Variants in MAST3 observed in about 807,000 individuals in gnomAD.
The protein encoded by MAST3 is microtubule-associated serine/threonine-protein kinase 3.
Under a neutral mutation model 127.0 loss-of-function variants are expected in MAST3, and 43 were observed. That is an observed-to-expected ratio of 0.34 (90% CI 0.27 to 0.44). MAST3 has a LOEUF of 0.44. Ranked by LOEUF, MAST3 falls within the 20% of genes least tolerant of loss-of-function variation. MAST3 has a pLI of 1.00. For missense variants in MAST3, 1,390 were observed against 1,919.1 expected, an observed-to-expected ratio of 0.72 and a Z score of 5.15; for synonymous variants, 785 against 809.2, an observed-to-expected ratio of 0.97 and a Z score of 0.51.
At chr19:18,121,610 G>A (rs2039986980) in intron 3 of MAST3, 75 bp from the exon 4 acceptor site, 2 of 1,256,836 alleles carry the variant, frequency 1.6e-6, no homozygotes, top group South Asian at 2.5e-5. Context: ...GGCTGCGAGT[G>A]TGATTTAGGC....
intron 18 of MAST3, among the ~76,000 whole-genome samples, chr19:18,136,060 G>T (rs1230629265): frequency 6.6e-6 from 1 of 152,206 alleles, no homozygotes; most frequent in Non-Finnish European, 1.5e-5. Context: ...TGCCCATATG[G>T]AGCACTGAGC....
At chr19:18,111,530 C>CCTTT (rs1214980774) in intron 3 of MAST3, among the ~76,000 whole-genome samples, 2 of 103,256 alleles carry the variant, frequency 1.9e-5, no homozygotes, top group East Asian at 4.9e-4. Context: ...TTTCCACAGA[C>CCTTT]TTTTTTTTTT....
rs1022205561 is a variant in MAST3 at position 18,143,488 on chromosome 19, C to A, written c.2340-275C>A. 2.6e-5 allele frequency among the ~76,000 whole-genome samples: 4 copies of A among 152,148 alleles called. No individual in the cohort carries two copies. The South Asian group carries it at 6.2e-4, about 24-fold the overall frequency. On this transcript the variant is annotated intron_variant, in intron 21 of 27. Coordinates refer to ENST00000687212, the MANE Select transcript of MAST3 (RefSeq NM_001393504.1). The stretch of plus-strand genomic sequence containing the variant: ...CTACTTGGGAGGCTGAGGCAGGAGA[C>A]TCACTTGAGCCCTGGAGGCAGTGGT...
intron 3 of MAST3, among the ~76,000 whole-genome samples, chr19:18,121,144 C>T (rs376584523): frequency 7.0e-4 from 106 of 152,242 alleles, no homozygotes; most frequent in African/African-American, 2.4e-3. Context: ...GGATGAGCCA[C>T]TGTGCCCAGC....
At chr19:18,133,115 G>A (rs2041502762) in intron 15 of MAST3, among the ~76,000 whole-genome samples, 4 of 149,250 alleles carry the variant, frequency 2.7e-5, no homozygotes, top group South Asian at 4.2e-4. Flanking sequence ...AAAAAAAAGC[G>A]CCTCGCATGT....
chr19:18,131,658 C>CTG (rs1396239614), intron 14 of MAST3, among the ~76,000 whole-genome samples: 1 of 150,274 alleles, frequency 6.7e-6, no homozygotes, highest in Non-Finnish European at 1.5e-5. Flanking sequence ...GAGATCGCGC[C>CTG]ACTGCACTCC....
chr19:18,098,553 G>A (rs371828311), intron 1 of MAST3, among the ~76,000 whole-genome samples: 1 of 152,074 alleles, frequency 6.6e-6, no homozygotes, highest in Non-Finnish European at 1.5e-5. Context: ...AGGCGTCGGG[G>A]ACAGCAGAAG....
intron 1 of MAST3, among the ~76,000 whole-genome samples, chr19:18,105,813 G>T (rs2038025437): frequency 1.3e-5 from 2 of 152,164 alleles, no homozygotes; most frequent in Admixed American, 1.3e-4. Flanking sequence ...GTGCAGGTCA[G>T]TTTGCTGAGC....
At chr19:18,147,921 C>T (rs1197676362) in intron 27 of MAST3, among the ~76,000 whole-genome samples, 4 of 152,054 alleles carry the variant, frequency 2.6e-5, no homozygotes, top group African/African-American at 9.7e-5. Flanking sequence ...TTTGGGAGCC[C>T]GAGGCAGGAG....
chr19:18,104,313 C>A (rs1034320444), intron 1 of MAST3, among the ~76,000 whole-genome samples: 1 of 151,404 alleles, frequency 6.6e-6, no homozygotes, highest in East Asian at 1.9e-4. Context: ...AACTAAACGC[C>A]GTGAGTTGTC....
chr19:18,147,024 G>A lies in MAST3; in HGVS notation c.3306G>A (p.Ala1102=), dbSNP rs182546049. Residue 1102 remains alanine, a synonymous_variant, in exon 26 of 28, where the codon GCG becomes GCA. Transcript: ENST00000687212. Reference sequence around the variant, plus strand: ...GGCGGGAGACCCAGGATCGGTGCGCGGCAGTGACCACCAGGGAGCGGTACA... The same window carrying A: ...GGCGGGAGACCCAGGATCGGTGCGCAGCAGTGACCACCAGGGAGCGGTACA... The part of the protein sequence containing the change: ...SRRRETQDRC[A]AVTTRERRKS... 293 of 1,572,212 alleles carry A rather than the reference G, an allele frequency of 1.9e-4. No homozygotes were observed. Among genetic ancestry groups the A allele is most frequent in the African/African-American group, 1.0e-3 (74 of 74,212 alleles).
At chr19:18,147,096 T>TAAC in intron 26 of MAST3, 52 bp downstream of exon 26, 1 of 1,286,008 alleles carries the variant, frequency 7.8e-7, no homozygotes, top group Non-Finnish European at 1.0e-6. Context: ...TCTTTTCTTT[T>TAAC]TCCTTTTTTT....
intron 11 of MAST3, among the ~76,000 whole-genome samples, chr19:18,128,001 C>CA (rs2040850742): frequency 6.6e-6 from 1 of 152,212 alleles, no homozygotes; most frequent in African/African-American, 2.4e-5. Flanking sequence ...CCATGTTTGC[C>CA]AGGCATTCGC....
chr19:18,107,785 C>T (rs141556439), intron 2 of MAST3, among the ~76,000 whole-genome samples, 167 bp downstream of exon 2: 140 of 152,336 alleles, frequency 9.2e-4, no homozygotes, highest in African/African-American at 3.4e-3. Context: ...CCTGGCCTCT[C>T]ACCACAAACA....
intron 1 of MAST3, among the ~76,000 whole-genome samples, chr19:18,105,705 C>G (rs975553749): frequency 5.9e-5 from 9 of 151,980 alleles, no homozygotes; most frequent in African/African-American, 2.2e-4. Context: ...AAAAAAAACC[C>G]TCTTGGGCAG....
In MAST3 at chr19:18,150,123, A is replaced by AAT; in HGVS notation, c.*397_*398insAT. 1 of 207,538 alleles carries AAT rather than the reference A, an allele frequency of 4.8e-6. No individual in the cohort carries two copies. Among genetic ancestry groups the AAT allele is most frequent in the Non-Finnish European group, 9.5e-6 (1 of 105,076 alleles). 12.9% of individuals were successfully genotyped at this position (207,538 alleles called of 1,614,324 possible). A position where few individuals can be genotyped will look rare whatever the true frequency, so the allele number is the denominator to read the frequency against. ...TGCCTCAGCTTCCCAAGTGGCTGGG[A>AAT]TTACAGGCGCCCACCACTATGCCCA... On this transcript the variant is annotated 3_prime_UTR_variant, in exon 28 of 28. Coordinates refer to ENST00000687212, the MANE Select transcript of MAST3 (RefSeq NM_001393504.1).
chr19:18,132,074 C>G (rs1279742029), intron 15 of MAST3, 27 bp downstream of exon 15: 19 of 1,612,598 alleles, frequency 1.2e-5, no homozygotes, highest in Non-Finnish European at 1.6e-5. Context: ...TGAGCGGGGC[C>G]TCGCGGAGGG....
At chr19:18,126,351 CTG>C (rs1392093665) in intron 11 of MAST3, among the ~76,000 whole-genome samples, 1 of 152,186 alleles carries the variant, frequency 6.6e-6, no homozygotes, top group Non-Finnish European at 1.5e-5. Flanking sequence ...AGTGTTCAAA[CTG>C]AGGCCTGGAG....
In MAST3 at chr19:18,100,125, TCTC is replaced by T. The variant is rs1420974310; in HGVS notation, c.39+2295_39+2297del. ...TGAGGCAGAAGGATCTCTCTCTCTC[TCTC>T]TTTTTTTTTTTTTTGAGAAAGAATC... On this transcript the variant is annotated intron_variant, in intron 1 of 27. Transcript: ENST00000687212. Among the ~76,000 whole-genome samples the T allele has an allele frequency of 2.0e-4, 21 of 105,366 alleles. No homozygotes were observed. The East Asian group carries it at 2.5e-3, about 13-fold the overall frequency. The allele number at this position is 105,366 out of a possible 152,430, so 69.1% of individuals were successfully genotyped here. A position where few individuals can be genotyped will look rare whatever the true frequency, so the allele number is the denominator to read the frequency against.
Sources: allele counts gnomAD v4.1 joint callset (sites outside exome capture counted in the v4.1 genomes callset), GRCh38; gene constraint gnomAD v4.1.1; transcripts MANE v1.5; gene names NCBI Gene and HGNC (gene_info 2026-07-23, HGNC 2026-07-21).